The following PEX7 variants were observed in gnomAD, a reference collection of about 807,000 sequenced individuals.
PEX7 encodes the protein peroxisomal biogenesis factor 7.
PEX7 carries 34 observed loss-of-function variants against 47.5 expected under a neutral mutation model. The observed-to-expected ratio is 0.72, with a 90% CI of 0.54 to 0.95. The LOEUF is 0.95. PEX7 is among the 40% of genes least tolerant of loss of function. PEX7 has a pLI of 0.00. For synonymous variants in PEX7, 141 were observed against 148.8 expected (o/e 0.95, Z 0.38); for missense variants, 394 against 400.3 (o/e 0.98, Z 0.13).
intron 9 of PEX7, among the ~76,000 whole-genome samples, chr6:136,905,607 A>G (rs559714591): frequency 8.5e-5 from 13 of 152,254 alleles, no homozygotes; most frequent in East Asian, 3.9e-4. Flanking sequence ...TATTTTTTCA[A>G]TGCTACCATG....
chr6:136,835,808 A>G (rs1439721969), intron 3 of PEX7, among the ~76,000 whole-genome samples: 1 of 152,198 alleles, frequency 6.6e-6, no homozygotes, highest in East Asian at 1.9e-4. Flanking sequence ...CCTTTAATAA[A>G]AGGAGCGATT....
intron 9 of PEX7, among the ~76,000 whole-genome samples, chr6:136,902,596 C>T (rs1775771712): frequency 6.6e-6 from 1 of 151,952 alleles, no homozygotes; most frequent in Admixed American, 6.6e-5. Context: ...TTTTTCTGAT[C>T]ATGATTTGTA....
At chr6:136,860,574 G>A (rs1774942389) in intron 5 of PEX7, among the ~76,000 whole-genome samples, 1 of 151,188 alleles carries the variant, frequency 6.6e-6, no homozygotes, top group African/African-American at 2.4e-5. Flanking sequence ...GTTAAATGAC[G>A]AGTTAATGGG....
intron 5 of PEX7, among the ~76,000 whole-genome samples, chr6:136,861,915 T>A (rs974449855): frequency 2.7e-5 from 4 of 145,834 alleles, no homozygotes; most frequent in Non-Finnish European, 3.0e-5. Context: ...ATTCAGTGTA[T>A]AATGCAGCGT....
chr6:136,833,268 C>T (rs567072975), intron 3 of PEX7, among the ~76,000 whole-genome samples: 1 of 152,224 alleles, frequency 6.6e-6, no homozygotes, highest in Admixed American at 6.5e-5. Context: ...TTAAAAGCAT[C>T]AGATCACATG....
chr6:136,863,300 G>A (rs1774999196), intron 5 of PEX7, among the ~76,000 whole-genome samples: 1 of 152,084 alleles, frequency 6.6e-6, no homozygotes, highest in African/African-American at 2.4e-5. Flanking sequence ...GTCTGAGCAA[G>A]GAATGAGGTG....
intron 5 of PEX7, chr6:136,855,807 C>T (rs1582751077): frequency 3.3e-6 from 1 of 306,170 alleles, no homozygotes; most frequent in East Asian, 1.1e-4. Context: ...GACATACATC[C>T]AGTTGGCAAA....
chr6:136,866,810 A>G (rs770545937), intron 6 of PEX7, 77 bp downstream of exon 6: 2 of 1,290,078 alleles, frequency 1.6e-6, no homozygotes, highest in Non-Finnish European at 2.2e-6. Context: ...GTCTTTGTTT[A>G]TGTGGACTTT....
At chr6:136,837,090 C>G (rs757097494) in intron 3 of PEX7, among the ~76,000 whole-genome samples, 12 of 151,418 alleles carry the variant, frequency 7.9e-5, no homozygotes, top group East Asian at 2.0e-4. Context: ...AAGTTTTAGC[C>G]GCGCTTACGC....
At chr6:136,912,607 T>TTG (rs1775950843) in intron 9 of PEX7, among the ~76,000 whole-genome samples, 1 of 152,210 alleles carries the variant, frequency 6.6e-6, no homozygotes, top group African/African-American at 2.4e-5. Flanking sequence ...CTGCACAGTC[T>TTG]TGATTACAGT....
chr6:136,907,775 A>G (rs1393473459), intron 9 of PEX7, among the ~76,000 whole-genome samples: 1 of 152,194 alleles, frequency 6.6e-6, no homozygotes, highest in Non-Finnish European at 1.5e-5. Flanking sequence ...TAAATATTTT[A>G]ATAAAGTGGA....
intron 6 of PEX7, among the ~76,000 whole-genome samples, chr6:136,867,041 A>G (rs997927919): frequency 3.9e-4 from 59 of 152,158 alleles, no homozygotes; most frequent in Non-Finnish European, 5.9e-5. Context: ...GCAATTTTGT[A>G]TCATCTTTTG....
At chr6:136,870,806 C>T (rs946035054) in intron 7 of PEX7, 3 of 380,922 alleles carry the variant, frequency 7.9e-6, no homozygotes, top group Admixed American at 6.4e-5. Flanking sequence ...AAGCTGTTCT[C>T]CTGCCTCAGC....
intron 5 of PEX7, among the ~76,000 whole-genome samples, chr6:136,860,668 T>TA (rs752108336): frequency 0.073 from 6,620 of 90,862 alleles, 172 homozygotes; most frequent in African/African-American, 0.14. Flanking sequence ...AAAGTATAAT[T>TA]AAAAAAAAAA....
At chr6:136,869,079 T>C (rs1775125693) in intron 6 of PEX7, among the ~76,000 whole-genome samples, 1 of 151,994 alleles carries the variant, frequency 6.6e-6, no homozygotes, top group African/African-American at 2.4e-5. Flanking sequence ...CCTCAGAGTA[T>C]GTTGAAACCC....
chr6:136,891,315 G>GTCTCAAA (rs1308319380), intron 8 of PEX7, among the ~76,000 whole-genome samples: 1 of 152,168 alleles, frequency 6.6e-6, no homozygotes, highest in Non-Finnish European at 1.5e-5. Flanking sequence ...GAAATATTGT[G>GTCTCAAA]ATGGACTCAT....
chr6:136,832,763 CA>C (rs1774317157), intron 3 of PEX7, among the ~76,000 whole-genome samples: 1 of 152,222 alleles, frequency 6.6e-6, no homozygotes, highest in African/African-American at 2.4e-5. Flanking sequence ...ATCTCTAGGG[CA>C]GGGGCAAAAT....
intron 8 of PEX7, among the ~76,000 whole-genome samples, chr6:136,894,690 A>G (rs373990228): frequency 1.3e-5 from 2 of 152,232 alleles, no homozygotes; most frequent in South Asian, 4.1e-4. Flanking sequence ...AAAGCAAAAA[A>G]TAACTCAACC....
At chr6:136,848,413 C>G (rs943169293) in intron 5 of PEX7, among the ~76,000 whole-genome samples, 2 of 152,218 alleles carry the variant, frequency 1.3e-5, no homozygotes, top group Non-Finnish European at 2.9e-5. Context: ...GCATCCCTAT[C>G]TTGTGCCAGT....
Sources: allele counts gnomAD v4.1 joint callset (sites outside exome capture counted in the v4.1 genomes callset), GRCh38; gene constraint gnomAD v4.1.1; transcripts MANE v1.5; gene names NCBI Gene and HGNC (gene_info 2026-07-23, HGNC 2026-07-21).